BPNT2: variants seen among roughly 807,000 people sequenced by gnomAD.
BPNT2 encodes Golgi-resident adenosine 3',5'-bisphosphate 3'-phosphatase.
In BPNT2, 11 loss-of-function variants were observed where a neutral mutation model predicts 29.3. The observed-to-expected ratio is 0.38, with a 90% CI of 0.24 to 0.62. BPNT2 has a LOEUF of 0.62. Among genes scored for constraint, BPNT2 ranks in the 20% least tolerant of loss-of-function variants. The pLI is 0.62. For synonymous variants in BPNT2, 195 were observed against 187.7 expected (o/e 1.04, Z -0.32); for missense variants, 459 against 473.4 (o/e 0.97, Z 0.28).
Position 56,985,133 on chromosome 8 carries a change from T to C in BPNT2, c.388-4936A>G, listed in dbSNP as rs142201681. Among the ~76,000 whole-genome samples the C allele has an allele frequency of 5.5e-3, 838 of 152,062 alleles. 6 individuals are homozygous for C. Among genetic ancestry groups the C allele is most frequent in the African/African-American group, 0.019 (771 of 41,478 alleles). On this transcript the variant is annotated intron_variant, in intron 1 of 4. Transcript: ENST00000262644. ...CCTATTTTTTCTTCTTCAAAGCCCT[T>C]ATCAGAAACCACGTTACTTGTTTAC... is the stretch of plus-strand genomic sequence containing the variant.
In BPNT2 at chr8:56,993,547, C is replaced by T; in HGVS notation, c.39G>A (p.Val13=). Residue 13 remains valine (V), a synonymous_variant, in exon 1 of 5, where the codon GTG becomes GTA. Coordinates refer to ENST00000262644, the MANE Select transcript of BPNT2 (RefSeq NM_017813.5). The part of the protein sequence containing the change: ...PMGIRLSPLG[V]AVFCLLGLGV... Reference sequence around the variant, plus strand: ...CGAGCCCCAGCAGGCAAAACACTGCCACCCCCAGTGGGGAAAGGCGGATGC... The same window carrying T: ...CGAGCCCCAGCAGGCAAAACACTGCTACCCCCAGTGGGGAAAGGCGGATGC... The T allele has an allele frequency of 1.3e-6, 2 of 1,486,584 alleles. No individual in the cohort carries two copies. Among genetic ancestry groups the T allele is most frequent in the South Asian group, 1.3e-5 (1 of 77,326 alleles). The allele number at this position is 1,486,584 out of a possible 1,614,324, so 92.1% of individuals were successfully genotyped here. A position where few individuals can be genotyped will look rare whatever the true frequency, so the allele number is the denominator to read the frequency against.
rs552101466 is a variant in BPNT2, at chr8:56,964,195, C to T, written c.809-131G>A. ...GAGCTTGCTGCAGTCTCTGCAACTG[C>T]TTAAGTTTAAAATTATTTCAAATTA... On this transcript the variant is annotated intron_variant, in intron 4 of 4. Transcript: ENST00000262644. The T allele has an allele frequency of 5.5e-3, 3,408 of 620,592 alleles. 21 individuals carry two copies. The highest frequency in any genetic ancestry group is 7.6e-3 in the South Asian group (337 of 44,552). The allele number at this position is 620,592 out of a possible 1,614,324, so 38.4% of individuals were successfully genotyped here. A position where few individuals can be genotyped will look rare whatever the true frequency, so the allele number is the denominator to read the frequency against.
At chr8:56,988,464 T>C (rs191979864) in intron 1 of BPNT2, among the ~76,000 whole-genome samples, 13 of 152,320 alleles carry the variant, frequency 8.5e-5, no homozygotes, top group Admixed American at 8.5e-4. Flanking sequence ...TTAAGAAGAC[T>C]GAAAGAGAAA....
intron 3 of BPNT2, among the ~76,000 whole-genome samples, chr8:56,973,048 C>T (rs1185033936): frequency 6.6e-6 from 1 of 152,160 alleles, no homozygotes; most frequent in South Asian, 2.1e-4. Context: ...AAAACACCAG[C>T]TGCTTGCTAG....
intron 1 of BPNT2, among the ~76,000 whole-genome samples, chr8:56,988,722 CAT>C (rs908804622): frequency 7.2e-5 from 11 of 152,164 alleles, no homozygotes; most frequent in Non-Finnish European, 1.3e-4. Context: ...CCTTCAGACT[CAT>C]ATATTCAACT....
intron 1 of BPNT2, among the ~76,000 whole-genome samples, chr8:56,980,655 A>T (rs961832461): frequency 1.5e-4 from 23 of 152,052 alleles, no homozygotes; most frequent in African/African-American, 5.5e-4. Flanking sequence ...CTAAGGAACA[A>T]AATTAAAAGA....
At chr8:56,982,797 A>G (rs1806266501) in intron 1 of BPNT2, among the ~76,000 whole-genome samples, 1 of 152,220 alleles carries the variant, frequency 6.6e-6, no homozygotes, top group Non-Finnish European at 1.5e-5. Flanking sequence ...GCAATTATTC[A>G]TAATGGCTAA....
chr8:56,986,677 T>C (rs1326464222), intron 1 of BPNT2, among the ~76,000 whole-genome samples: 1 of 152,216 alleles, frequency 6.6e-6, no homozygotes, highest in Non-Finnish European at 1.5e-5. Flanking sequence ...ACCTGAAATG[T>C]AGTCAGAACA....
chr8:56,990,133 C>T (rs1806394408), intron 1 of BPNT2, among the ~76,000 whole-genome samples: 1 of 152,222 alleles, frequency 6.6e-6, no homozygotes, highest in Admixed American at 6.5e-5. Context: ...AGAAGCTTAA[C>T]TTCCATCTTA....
At chr8:56,978,386 C>A (rs1345677110) in intron 2 of BPNT2, among the ~76,000 whole-genome samples, 1 of 151,888 alleles carries the variant, frequency 6.6e-6, no homozygotes, top group Non-Finnish European at 1.5e-5. Flanking sequence ...ATTAAAAAGT[C>A]AAAAAATAAC....
chr8:56,983,156 T>C (rs1035222549), intron 1 of BPNT2, among the ~76,000 whole-genome samples: 29 of 152,162 alleles, frequency 1.9e-4, no homozygotes, highest in African/African-American at 6.5e-4. Context: ...TTAATGATGA[T>C]AGTTGTACAA....
At chr8:56,971,928 T>C (rs574481610) in intron 3 of BPNT2, among the ~76,000 whole-genome samples, 5 of 151,848 alleles carry the variant, frequency 3.3e-5, no homozygotes, top group Admixed American at 3.3e-4. Flanking sequence ...ACCCCGTCTC[T>C]ACTAAAAATA....
At chr8:56,969,234 T>C (rs1805995078) in intron 3 of BPNT2, among the ~76,000 whole-genome samples, 2 of 152,234 alleles carry the variant, frequency 1.3e-5, no homozygotes, top group Admixed American at 6.5e-5. Context: ...AGGAAACTAA[T>C]ACAGAGTGAA....
chr8:56,977,475 C>T (rs1020127249), intron 3 of BPNT2, among the ~76,000 whole-genome samples: 1 of 152,158 alleles, frequency 6.6e-6, no homozygotes, highest in Non-Finnish European at 1.5e-5. Context: ...GCTTAAGAAC[C>T]TTCTCTAATC....
In BPNT2 at chr8:56,963,831, T is replaced by C. The variant is rs1181775163; in HGVS notation, c.1042A>G (p.Arg348Gly). The change falls in exon 5 of 5, where the codon AGA (arginine) becomes GGA (glycine). Residue 348 changes from arginine to glycine, a missense_variant. Transcript: ENST00000262644. Reference protein sequence around the residue: ...SIRMNHQALVRKLPDLEKTGH... With the variant: ...SIRMNHQALVGKLPDLEKTGH... Reference sequence around the variant, plus strand: ...GTCTTTTCTAGATCTGGGAGTTTTCTGACCAGGGCCTGGTGGTTCATTCTG... The same window carrying C: ...GTCTTTTCTAGATCTGGGAGTTTTCCGACCAGGGCCTGGTGGTTCATTCTG... 6.2e-7 allele frequency: 1 copy of C among 1,614,106 alleles called. No individual in the cohort carries two copies. The highest frequency in any genetic ancestry group is 8.5e-7 in the Non-Finnish European group (1 of 1,180,050).
In BPNT2 at chr8:56,984,374, G is replaced by A. The variant is rs1806295171; in HGVS notation, c.388-4177C>T. On this transcript the variant is annotated intron_variant, in intron 1 of 4. Coordinates refer to ENST00000262644, the MANE Select transcript of BPNT2 (RefSeq NM_017813.5). ...TCTGAAAAATCTACTACCCACCAATGTAAACAACCTTATCAATAGTTGCTA... is the reference window on the plus strand; with the variant it reads ...TCTGAAAAATCTACTACCCACCAATATAAACAACCTTATCAATAGTTGCTA... Among the ~76,000 whole-genome samples, 2 of 152,272 alleles carry A rather than the reference G, an allele frequency of 1.3e-5. 1 individual carries two copies. The highest frequency in any genetic ancestry group is 4.1e-4 in the South Asian group (2 of 4,822).
rs1805947999 is a variant in BPNT2 at position 56,966,239 on chromosome 8, G to A, written c.760C>T (p.Leu254Phe). The change falls in exon 4 of 5, where the codon CTT becomes TTT. Residue 254 changes from leucine (L) to phenylalanine (F), a missense_variant. Leu to Phe is a conservative substitution (Grantham distance 22). Coordinates refer to ENST00000262644, the MANE Select transcript of BPNT2 (RefSeq NM_017813.5). ...GTAGTCTGGTTTCCAAAAGTCTGAA[G>A]AGCGACCTGTTTGACCATCCCTGAA... ...SHSGMVKQVA[L>F]QTFGNQTTII... 2 of 1,614,056 alleles carry A rather than the reference G, an allele frequency of 1.2e-6. No homozygotes were observed. The highest frequency in any genetic ancestry group is 2.2e-5 in the South Asian group (2 of 91,090).
intron 4 of BPNT2, among the ~76,000 whole-genome samples, chr8:56,964,759 A>G (rs893317938): frequency 6.6e-6 from 1 of 152,204 alleles, no homozygotes; most frequent in African/African-American, 2.4e-5. Flanking sequence ...TTTTACCTAA[A>G]CATCTAAGTA....
At chr8:56,972,625 T>TA (rs1563407236) in intron 3 of BPNT2, among the ~76,000 whole-genome samples, 1 of 151,708 alleles carries the variant, frequency 6.6e-6, no homozygotes, top group Non-Finnish European at 1.5e-5. Flanking sequence ...ATGACAACTT[T>TA]AAAAAAAAGG....
Sources: gnomAD v4.1 joint callset for allele counts (sites outside exome capture counted in the v4.1 genomes callset) on GRCh38, gnomAD v4.1.1 for gene constraint, MANE v1.5 for transcripts, NCBI Gene and HGNC (gene_info 2026-07-23, HGNC 2026-07-21) for gene names.